The following PAN3 variants were observed in gnomAD, a reference collection of about 807,000 sequenced individuals.
PAN3 encodes the protein poly(A) specific ribonuclease subunit PAN3, also known as PAN2-PAN3 deadenylation complex subunit PAN3.
PAN3 carries 19 observed loss-of-function variants against 96.2 expected under a neutral mutation model. The ratio of observed to expected loss-of-function variants is 0.20; its 90% CI spans 0.14 to 0.29. The LOEUF (loss-of-function observed/expected upper bound fraction) is 0.29. Among genes scored for constraint, PAN3 ranks in the 10% least tolerant of loss-of-function variants. PAN3 has a pLI of 1.00. For missense variants in PAN3, 882 were observed against 1,108.1 expected, an observed-to-expected ratio of 0.80 and a Z score of 2.90; for synonymous variants, 433 against 406.6, an observed-to-expected ratio of 1.06 and a Z score of -0.78.
intron 5 of PAN3, chr13:28,214,919 C>T (rs1013052227): frequency 2.5e-6 from 3 of 1,222,186 alleles, no homozygotes; most frequent in Non-Finnish European, 3.6e-6. Flanking sequence ...AGGCTGGCGA[C>T]CATGCCCTTC....
At chr13:28,242,734 A>G (rs1883798353) in intron 6 of PAN3, among the ~76,000 whole-genome samples, 1 of 152,166 alleles carries the variant, frequency 6.6e-6, no homozygotes, top group South Asian at 2.1e-4. Flanking sequence ...AGCTGTATCA[A>G]TCTTTAGAGA....
chr13:28,231,489 T>G (rs965157356), intron 6 of PAN3, among the ~76,000 whole-genome samples: 2 of 152,202 alleles, frequency 1.3e-5, no homozygotes, highest in African/African-American at 4.8e-5. Flanking sequence ...TTAAGGTACT[T>G]AATTATTTTG....
chr13:28,168,499 A>T (rs1256102434), intron 1 of PAN3, among the ~76,000 whole-genome samples: 1 of 152,148 alleles, frequency 6.6e-6, no homozygotes, highest in Non-Finnish European at 1.5e-5. Flanking sequence ...CGAGTGGATC[A>T]CTTGAGGCCA....
At chr13:28,180,953 A>G (rs1875693601) in intron 4 of PAN3, among the ~76,000 whole-genome samples, 2 of 152,262 alleles carry the variant, frequency 1.3e-5, no homozygotes, top group Middle Eastern at 3.4e-3. Flanking sequence ...CAATTTAAAT[A>G]TTTGATGATT....
intron 5 of PAN3, among the ~76,000 whole-genome samples, chr13:28,205,447 A>C (rs150933567): frequency 2.6e-4 from 39 of 152,286 alleles, no homozygotes; most frequent in Middle Eastern, 3.4e-3. Flanking sequence ...ATCACTTTAG[A>C]GTAATGACCT....
At chr13:28,146,389 T>G (rs947713539) in intron 1 of PAN3, among the ~76,000 whole-genome samples, 1 of 147,232 alleles carries the variant, frequency 6.8e-6, no homozygotes, top group African/African-American at 2.5e-5. Context: ...CCCCTGCCCC[T>G]CCTCCCCCCA....
chr13:28,267,848 C>T (rs906001985), intron 12 of PAN3, among the ~76,000 whole-genome samples: 2 of 152,102 alleles, frequency 1.3e-5, no homozygotes, highest in Admixed American at 1.3e-4. Context: ...ATGGGAGTTA[C>T]AATTCAAAAT....
chr13:28,284,018 A>G (rs1169181439), intron 17 of PAN3, among the ~76,000 whole-genome samples: 1 of 152,180 alleles, frequency 6.6e-6, no homozygotes, highest in Non-Finnish European at 1.5e-5. Flanking sequence ...TAACTTGTGC[A>G]TACTTAATCT....
chr13:28,205,268 T>C (rs1259795816), intron 5 of PAN3, among the ~76,000 whole-genome samples: 2 of 152,178 alleles, frequency 1.3e-5, no homozygotes, highest in African/African-American at 2.4e-5. Context: ...TCAAGCTATC[T>C]ACTTAGGGTG....
chr13:28,200,111 C>T (rs549206040), intron 5 of PAN3, among the ~76,000 whole-genome samples: 5 of 152,264 alleles, frequency 3.3e-5, no homozygotes, highest in African/African-American at 9.6e-5. Context: ...CCACTTTTGT[C>T]AGACTCAAAA....
chr13:28,250,774 G>A (rs1884656339), intron 6 of PAN3, among the ~76,000 whole-genome samples: 1 of 152,198 alleles, frequency 6.6e-6, no homozygotes, highest in African/African-American at 2.4e-5. Context: ...AAAATGCTGG[G>A]ATTACAGGTC....
At chr13:28,144,951 C>T (rs1870429957) in intron 1 of PAN3, among the ~76,000 whole-genome samples, 1 of 151,716 alleles carries the variant, frequency 6.6e-6, no homozygotes, top group Non-Finnish European at 1.5e-5. Flanking sequence ...AACTCCTGAC[C>T]TCGTGATCCA....
chr13:28,214,667 G>T, intron 5 of PAN3: 1 of 444,850 alleles, frequency 2.2e-6, no homozygotes, highest in South Asian at 2.2e-5. Context: ...GATGGGAAAG[G>T]GCTCCTTCAA....
intron 6 of PAN3, among the ~76,000 whole-genome samples, chr13:28,236,448 T>TA (rs1373348264): frequency 6.6e-6 from 1 of 152,100 alleles, no homozygotes; most frequent in Non-Finnish European, 1.5e-5. Context: ...ACATCTAGAG[T>TA]AAAAAATGTT....
At chr13:28,179,520 G>A (rs1336881372) in intron 4 of PAN3, among the ~76,000 whole-genome samples, 1 of 152,112 alleles carries the variant, frequency 6.6e-6, no homozygotes, top group African/African-American at 2.4e-5. Context: ...TTTGAGACCA[G>A]TATGTATAAC....
chr13:28,247,476 T>G (rs748127791), intron 6 of PAN3, among the ~76,000 whole-genome samples: 2 of 152,230 alleles, frequency 1.3e-5, no homozygotes, highest in Non-Finnish European at 2.9e-5. Flanking sequence ...TTGTTGCCTA[T>G]GCTTTTGAGA....
At position 28,255,451 on chromosome 13, in the gene PAN3, C is replaced by A. The variant is rs562074057; in HGVS notation, c.1001-841C>A. 6.6e-5 allele frequency among the ~76,000 whole-genome samples: 10 copies of A among 151,986 alleles called. 1 individual carries two copies. In the South Asian group the frequency reaches 2.1e-3, roughly 32 times the overall value. On this transcript the variant is annotated intron_variant, in intron 6 of 18. Coordinates refer to ENST00000380958, the MANE Select transcript of PAN3 (RefSeq NM_175854.8). ...TACATGTGACCTGGTCTTTTTTTCT[C>A]AGCTAGCTTGGAATCTCCTGAAGGG...
In PAN3 at chr13:28,270,688, C is replaced by G. The variant is rs1214451212; in HGVS notation, c.1793-13C>G. The G allele has an allele frequency of 6.3e-7, 1 of 1,589,490 alleles. No homozygotes were observed. The highest frequency in any genetic ancestry group is 1.4e-5 in the African/African-American group (1 of 73,488). ...ACTTAAGATGTCATTTTTTGGATTT[C>G]TTTGCTGTATAGGTCAGCACGAGGG... On this transcript the variant is annotated splice_polypyrimidine_tract_variant and intron_variant, in intron 12 of 18. Coordinates refer to ENST00000380958, the MANE Select transcript of PAN3 (RefSeq NM_175854.8).
chr13:28,171,409 C>T (rs368873239), intron 1 of PAN3, among the ~76,000 whole-genome samples: 2 of 152,108 alleles, frequency 1.3e-5, no homozygotes, highest in Non-Finnish European at 2.9e-5. Context: ...GGAGTTAGTG[C>T]GGACTCCAGA....
Sources: gnomAD v4.1 joint callset for allele counts (sites outside exome capture counted in the v4.1 genomes callset) on GRCh38, gnomAD v4.1.1 for gene constraint, MANE v1.5 for transcripts, NCBI Gene and HGNC (gene_info 2026-07-23, HGNC 2026-07-21) for gene names.